Variants in PLCZ1 observed in about 807,000 individuals in gnomAD.
The protein encoded by PLCZ1 is 1-phosphatidylinositol 4,5-bisphosphate phosphodiesterase zeta-1.
A neutral mutation model predicts 76.8 loss-of-function variants in PLCZ1; 64 were observed. The ratio of observed to expected loss-of-function variants is 0.83; its 90% CI spans 0.68 to 1.03. The LOEUF (loss-of-function observed/expected upper bound fraction) is 1.03, where lower values mean the gene tolerates loss of function less well. Among genes scored for constraint, PLCZ1 ranks in the 50% least tolerant of loss-of-function variants. The probability of loss-of-function intolerance (pLI) is 0.00; values close to 1 mark genes in which losing one functional copy is unlikely to be tolerated. For missense variants in PLCZ1, 751 were observed against 713.7 expected, an observed-to-expected ratio of 1.05 and a Z score of -0.60; for synonymous variants, 248 against 230.8, an observed-to-expected ratio of 1.07 and a Z score of -0.68.
the PLCZ1 span, among the ~76,000 whole-genome samples, chr12:18,676,759 C>A: frequency 6.6e-6 from 1 of 151,966 alleles, no homozygotes; most frequent in East Asian, 1.9e-4. Flanking sequence ...CAGCAAAGTC[C>A]TAAAAGGTAA....
the PLCZ1 span, among the ~76,000 whole-genome samples, chr12:18,645,843 A>C: frequency 1.3e-5 from 2 of 152,206 alleles, no homozygotes; most frequent in Non-Finnish European, 2.9e-5. Flanking sequence ...TGACTTATTC[A>C]TGCAATTCAC....
At chr12:18,713,295 C>T (rs372259450) in intron 5 of PLCZ1, among the ~76,000 whole-genome samples, 4 of 152,120 alleles carry the variant, frequency 2.6e-5, no homozygotes, top group Non-Finnish European at 5.9e-5. Context: ...ATAGTTGTAG[C>T]TCTGAAACAT....
the PLCZ1 span, among the ~76,000 whole-genome samples, chr12:18,657,589 A>C: frequency 6.6e-6 from 1 of 152,200 alleles, no homozygotes; most frequent in Non-Finnish European, 1.5e-5. Context: ...GCTGAACACC[A>C]CTAAGCTAAC....
chr12:18,656,246 T>C, the PLCZ1 span, among the ~76,000 whole-genome samples: 1 of 151,972 alleles, frequency 6.6e-6, no homozygotes, highest in East Asian at 1.9e-4. Flanking sequence ...CTGGGCAACA[T>C]AGCAAGACCC....
intron 6 of PLCZ1, among the ~76,000 whole-genome samples, chr12:18,705,569 T>C (rs1427583696): frequency 6.6e-6 from 1 of 152,152 alleles, no homozygotes; most frequent in African/African-American, 2.4e-5. Context: ...AGTACTTATT[T>C]AAATAAATTA....
intron 4 of PLCZ1, among the ~76,000 whole-genome samples, 175 bp from the exon 5 acceptor site, chr12:18,719,807 C>T (rs549241555): frequency 1.9e-4 from 29 of 151,960 alleles, no homozygotes; most frequent in Admixed American, 5.2e-4. Flanking sequence ...TGTAGTAAAA[C>T]CTTCAGTTCT....
intron 9 of PLCZ1, among the ~76,000 whole-genome samples, chr12:18,700,512 CA>C (rs11324526): frequency 0.072 from 4,798 of 66,824 alleles, 31 homozygotes; most frequent in Middle Eastern, 0.18. Context: ...AGCCAACGTA[CA>C]AAAAAAAAAA....
the PLCZ1 span, among the ~76,000 whole-genome samples, chr12:18,662,025 A>G: frequency 6.6e-6 from 1 of 152,272 alleles, no homozygotes; most frequent in East Asian, 1.9e-4. Flanking sequence ...TAACGCAGGA[A>G]CAGAAAACCA....
At chr12:18,650,619 C>T in the PLCZ1 span, among the ~76,000 whole-genome samples, 1 of 144,276 alleles carries the variant, frequency 6.9e-6, no homozygotes, top group Non-Finnish European at 1.5e-5. Flanking sequence ...TACGGGCTCA[C>T]TTGAAATACA....
intron 3 of PLCZ1, among the ~76,000 whole-genome samples, chr12:18,734,424 C>CA (rs1432812506): frequency 6.6e-6 from 1 of 152,116 alleles, no homozygotes; most frequent in African/African-American, 2.4e-5. Flanking sequence ...AATCTCAGCT[C>CA]ACTGCAACCT....
chr12:18,705,998 G>T lies in PLCZ1; in HGVS notation c.715-683C>A, dbSNP rs375920016. On this transcript the variant is annotated intron_variant, in intron 6 of 14. Transcript: ENST00000266505. ...TCCCAGCACTTTGGGAGGCCGAGGCGGGTGGATCACCTGGGGTCAGGAGTT... is the reference window on the plus strand; with the variant it reads ...TCCCAGCACTTTGGGAGGCCGAGGCTGGTGGATCACCTGGGGTCAGGAGTT... 2.6e-5 allele frequency among the ~76,000 whole-genome samples: 4 copies of T among 152,044 alleles called. No individual in the cohort carries two copies. The South Asian group carries it at 8.3e-4, about 32-fold the overall frequency.
chr12:18,667,094 G>A, the PLCZ1 span, among the ~76,000 whole-genome samples: 248 of 152,248 alleles, frequency 1.6e-3, no homozygotes, highest in Non-Finnish European at 2.9e-3. Flanking sequence ...AGAAACACTA[G>A]GCTTAAATGG....
intron 4 of PLCZ1, 61 bp downstream of exon 4, chr12:18,723,250 G>A: frequency 6.9e-7 from 1 of 1,445,568 alleles, no homozygotes; most frequent in South Asian, 1.3e-5. Flanking sequence ...AATAATTTTT[G>A]AAAAAAGAAA....
At position 18,736,952 on chromosome 12, in the gene PLCZ1, C is replaced by T. The variant is rs1040632475; in HGVS notation, c.11+409G>A. ...GTGAGTGTATATTTGGTATGAAAAA[C>T]GAAAAAAATTTTTAAAAGCTTACTT... is the stretch of plus-strand genomic sequence containing the variant. On this transcript the variant is annotated intron_variant, in intron 2 of 14. Coordinates refer to ENST00000266505, the MANE Select transcript of PLCZ1 (RefSeq NM_033123.4). Among the ~76,000 whole-genome samples the T allele has an allele frequency of 9.9e-5, 15 of 151,354 alleles. No homozygotes were observed. In the East Asian group the frequency reaches 1.9e-3, roughly 20 times the overall value.
chr12:18,726,126 A>C (rs1156443781), intron 3 of PLCZ1, among the ~76,000 whole-genome samples: 1 of 152,174 alleles, frequency 6.6e-6, no homozygotes, highest in Non-Finnish European at 1.5e-5. Context: ...AAATAAGTGC[A>C]TTTAGACAAT....
chr12:18,678,415 A>T (rs1346072204), downstream of PLCZ1, among the ~76,000 whole-genome samples: 1 of 152,062 alleles, frequency 6.6e-6, no homozygotes, highest in Non-Finnish European at 1.5e-5. Context: ...ATTCGTTTTG[A>T]CATAAGCATA....
chr12:18,721,713 AT>A (rs1419273446), intron 4 of PLCZ1, among the ~76,000 whole-genome samples: 3 of 138,388 alleles, frequency 2.2e-5, no homozygotes, highest in African/African-American at 5.6e-5. Context: ...AAGTCTTGCT[AT>A]TAAAAAAAAA....
At chr12:18,705,930 A>C (rs2137323237) in intron 6 of PLCZ1, among the ~76,000 whole-genome samples, 1 of 148,000 alleles carries the variant, frequency 6.8e-6, no homozygotes, top group Middle Eastern at 4.0e-3. Flanking sequence ...ATATAGACCA[A>C]TTAAGAAGAA....
chr12:18,697,710 GATA>G (rs1345482898), intron 10 of PLCZ1, among the ~76,000 whole-genome samples: 3 of 152,006 alleles, frequency 2.0e-5, no homozygotes, highest in Middle Eastern at 3.2e-3. Context: ...TTAGTTGAAT[GATA>G]ATGTTTGTTC....
Sources: gnomAD v4.1 joint callset for allele counts (sites outside exome capture counted in the v4.1 genomes callset) on GRCh38, gnomAD v4.1.1 for gene constraint, MANE v1.5 for transcripts, NCBI Gene and HGNC (gene_info 2026-07-23, HGNC 2026-07-21) for gene names.